MBNL2: variants seen among roughly 807,000 people sequenced by gnomAD.
MBNL2 encodes muscleblind like splicing regulator 2, also known as muscleblind-like protein 2.
A neutral mutation model predicts 41.9 loss-of-function variants in MBNL2; 17 were observed. The observed-to-expected ratio is 0.41, with a 90% CI of 0.28 to 0.61. The LOEUF (loss-of-function observed/expected upper bound fraction) is 0.61, where lower values mean the gene tolerates loss of function less well. Ranked by LOEUF, MBNL2 falls within the 20% of genes least tolerant of loss-of-function variation. The pLI is 0.35. For missense variants in MBNL2, 336 were observed against 505.6 expected (o/e 0.66, Z 3.22); for synonymous variants, 195 against 182.9 (o/e 1.07, Z -0.53).
chr13:97,357,374 T>A, intron 6 of MBNL2, 108 bp from the exon 7 acceptor site: 1 of 894,732 alleles, frequency 1.1e-6, no homozygotes, highest in Non-Finnish European at 1.8e-6. Context: ...CAGAGGCATC[T>A]CCTTAGCTGT....
At chr13:97,385,524 C>T (rs1312443296) in intron 8 of MBNL2, among the ~76,000 whole-genome samples, 2 of 152,180 alleles carry the variant, frequency 1.3e-5, no homozygotes, top group Admixed American at 6.5e-5. Context: ...GGCATTTTCA[C>T]TGGAATGTTT....
intron 1 of MBNL2, among the ~76,000 whole-genome samples, chr13:97,239,486 A>G (rs189033376): frequency 1.6e-4 from 24 of 152,346 alleles, no homozygotes; most frequent in Admixed American, 1.4e-3. Context: ...ATAGTCCATC[A>G]TCTATACAAA....
the MBNL2 span, among the ~76,000 whole-genome samples, chr13:97,192,582 C>T: frequency 1.5e-4 from 23 of 152,316 alleles, no homozygotes; most frequent in South Asian, 4.6e-3. Context: ...TCGTGGGTGC[C>T]CAGCTGAGCT....
At chr13:97,242,711 T>C (rs752254240) in intron 1 of MBNL2, among the ~76,000 whole-genome samples, 1 of 151,434 alleles carries the variant, frequency 6.6e-6, no homozygotes, top group African/African-American at 2.4e-5. Context: ...GGGTTGGGGA[T>C]GAGGGTACCT....
chr13:97,208,567 C>A, the MBNL2 span, among the ~76,000 whole-genome samples: 1 of 152,104 alleles, frequency 6.6e-6, no homozygotes, highest in Non-Finnish European at 1.5e-5. Context: ...TAGTCTTTAC[C>A]CTATTACAGG....
the MBNL2 span, among the ~76,000 whole-genome samples, chr13:97,180,101 T>C: frequency 2.0e-5 from 3 of 152,130 alleles, no homozygotes; most frequent in Non-Finnish European, 2.9e-5. Flanking sequence ...AGAATTAAGG[T>C]GGTGAAGATG....
At chr13:97,374,062 C>CCTTTTTTTTTTTTT (rs1594284568) in intron 8 of MBNL2, among the ~76,000 whole-genome samples, 1 of 53,398 alleles carries the variant, frequency 1.9e-5, no homozygotes, top group Non-Finnish European at 4.0e-5. Flanking sequence ...TCCTCCTTTG[C>CCTTTTTTTTTTTTT]ATTTTTTTTT....
chr13:97,253,339 C>G (rs937777044), intron 1 of MBNL2, among the ~76,000 whole-genome samples: 4 of 152,212 alleles, frequency 2.6e-5, no homozygotes, highest in African/African-American at 9.6e-5. Context: ...CCTACAGAAT[C>G]TCATCCTAGC....
chr13:97,304,754 CAT>C lies in MBNL2; in HGVS notation c.174+28352_174+28353del, dbSNP rs1462872703. The stretch of plus-strand genomic sequence containing the variant: ...TTGCAAACTATTAAATGCATTATTA[CAT>C]ATATATTATTACATATATAAATGCA... On this transcript the variant is annotated intron_variant, in intron 2 of 8. Coordinates refer to ENST00000679496, the MANE Select transcript of MBNL2 (RefSeq NM_001382683.1). 1.1e-4 allele frequency among the ~76,000 whole-genome samples: 16 copies of C among 152,234 alleles called. No individual in the cohort carries two copies. The East Asian group carries it at 2.9e-3, about 28-fold the overall frequency.
intron 5 of MBNL2, among the ~76,000 whole-genome samples, chr13:97,352,116 G>T (rs1488410161): frequency 6.6e-6 from 1 of 152,116 alleles, no homozygotes; most frequent in Non-Finnish European, 1.5e-5. Context: ...TGGCTGGTTA[G>T]ATCTGTCCAG....
chr13:97,229,981 A>G (rs1006936427), intron 1 of MBNL2, among the ~76,000 whole-genome samples: 3 of 152,192 alleles, frequency 2.0e-5, no homozygotes, highest in Non-Finnish European at 4.4e-5. Context: ...AGGAAAAATA[A>G]TAGAACGCAG....
At chr13:97,388,080 T>C (rs1460867351) in intron 8 of MBNL2, among the ~76,000 whole-genome samples, 2 of 152,126 alleles carry the variant, frequency 1.3e-5, no homozygotes, top group African/African-American at 4.8e-5. Flanking sequence ...TCTGTTGAGC[T>C]CACTTTGGTG....
chr13:97,357,087 T>A (rs944953304), intron 6 of MBNL2, among the ~76,000 whole-genome samples: 3 of 152,190 alleles, frequency 2.0e-5, no homozygotes, highest in African/African-American at 7.2e-5. Flanking sequence ...ACTCAGAAAA[T>A]GTTCATTATA....
intron 2 of MBNL2, among the ~76,000 whole-genome samples, chr13:97,307,722 C>G (rs184458475): frequency 6.6e-6 from 1 of 152,162 alleles, no homozygotes; most frequent in South Asian, 2.1e-4. Flanking sequence ...ATATTCATGA[C>G]ATTTTTGCTG....
chr13:97,373,192 G>C lies in MBNL2; in HGVS notation c.1048+8021G>C, dbSNP rs116944543. ...ACGTATGTTGTTCTCCAAAAAAGCAGAGACAGCAACTGTCAGAATCCAGCC... is the reference window on the plus strand; with the variant it reads ...ACGTATGTTGTTCTCCAAAAAAGCACAGACAGCAACTGTCAGAATCCAGCC... On this transcript the variant is annotated intron_variant, in intron 8 of 8. Coordinates refer to ENST00000679496, the MANE Select transcript of MBNL2 (RefSeq NM_001382683.1). Among the ~76,000 whole-genome samples, 1,330 of 152,312 alleles carry C rather than the reference G, an allele frequency of 8.7e-3. 12 individuals carry two copies. The highest frequency in any genetic ancestry group is 0.035 in the South Asian group (171 of 4,830).
intron 1 of MBNL2, among the ~76,000 whole-genome samples, chr13:97,259,486 CCTT>C (rs1430142742): frequency 3.3e-5 from 5 of 152,178 alleles, no homozygotes; most frequent in Admixed American, 3.3e-4. Flanking sequence ...TGTGCTCCCT[CCTT>C]GGTTCTGGAC....
At chr13:97,212,970 G>A in the MBNL2 span, among the ~76,000 whole-genome samples, 78 of 152,256 alleles carry the variant, frequency 5.1e-4, no homozygotes, top group Admixed American at 1.8e-3. Flanking sequence ...AGAAAAACCC[G>A]GGCAAATCTT....
At chr13:97,193,428 A>T in the MBNL2 span, among the ~76,000 whole-genome samples, 1,358 of 152,304 alleles carry the variant, frequency 8.9e-3, 21 homozygotes, top group African/African-American at 0.031. Context: ...GCTTCCACTG[A>T]GATTAAAGTT....
In MBNL2 at chr13:97,321,278, C is replaced by G. The variant is rs1242674799; in HGVS notation, c.175-12998C>G. ...CAATCAGAGTGCACCACAGCTAGTC[C>G]CGGAAACCCCCTGCTGTGTGGGTTT... On this transcript the variant is annotated intron_variant, in intron 2 of 8. Transcript: ENST00000679496. 2.6e-5 allele frequency among the ~76,000 whole-genome samples: 4 copies of G among 152,282 alleles called. No individual in the cohort carries two copies. The East Asian group carries it at 7.7e-4, about 29-fold the overall frequency.
Sources: gnomAD v4.1 joint callset for allele counts (sites outside exome capture counted in the v4.1 genomes callset) on GRCh38, gnomAD v4.1.1 for gene constraint, MANE v1.5 for transcripts, NCBI Gene and HGNC (gene_info 2026-07-23, HGNC 2026-07-21) for gene names.